The following NHSL2 variants were observed in gnomAD, a reference collection of about 807,000 sequenced individuals.
The protein encoded by NHSL2 is NHS like 2.
In NHSL2, 27 loss-of-function variants were observed where a neutral mutation model predicts 53.4. The ratio of observed to expected loss-of-function variants is 0.51; its 90% confidence interval spans 0.37 to 0.70. NHSL2 has a LOEUF of 0.70. NHSL2 is among the 30% of genes least tolerant of loss of function. NHSL2 has a pLI of 0.00. For synonymous variants in NHSL2, 408 were observed against 404.1 expected, an observed-to-expected ratio of 1.01 and a Z score of -0.12; for missense variants, 892 against 980.1, an observed-to-expected ratio of 0.91 and a Z score of 1.20.
intron 1 of NHSL2, among the ~76,000 whole-genome samples, chrX:72,057,182 C>T (rs1050699977): frequency 5.3e-5 from 6 of 112,398 alleles, no homozygotes; most frequent in South Asian, 3.7e-4. Context: ...TTCATTCTGT[C>T]CTTGTTTGCA....
At chrX:72,129,902 G>A (rs917277121) in intron 1 of NHSL2, 1 of 1,210,479 alleles carries the variant, frequency 8.3e-7, no homozygotes, top group Non-Finnish European at 1.1e-6. Flanking sequence ...AGCACAGGGG[G>A]GCGTCTTCGA....
In NHSL2 at chrX:72,139,563, G is replaced by C. The variant is rs1362861493; in HGVS notation, c.2015G>C (p.Ser672Thr). Residue 672 changes from serine (S) to threonine (T), a missense_variant, in exon 6 of 8, where the codon AGC becomes ACC. Coordinates refer to ENST00000633930, the MANE Select transcript of NHSL2 (RefSeq NM_001013627.3). ...ATTGAGTGCACCCAAGTTCAGGGCA[G>C]CTCAGAGTCTCTTGCCTCACCTTCC... ...TVIECTQVQGSSESLASPSTS... is the reference protein window; with the variant it reads ...TVIECTQVQGTSESLASPSTS... 3 of 1,209,089 alleles carry C rather than the reference G, an allele frequency of 2.5e-6. No individual in the cohort carries two copies. The African/African-American group carries it at 5.3e-5, about 21-fold the overall frequency.
chrX:72,085,677 T>A (rs1038156720), intron 1 of NHSL2, among the ~76,000 whole-genome samples: 3 of 110,413 alleles, frequency 2.7e-5, no homozygotes, highest in Non-Finnish European at 5.7e-5. Context: ...ATTTTCTGTA[T>A]GATCACTGCT....
intron 1 of NHSL2, among the ~76,000 whole-genome samples, chrX:71,994,802 G>T (rs1392826953): frequency 9.0e-6 from 1 of 111,535 alleles, no homozygotes; most frequent in Non-Finnish European, 1.9e-5. Flanking sequence ...TGGTGATGGG[G>T]GGCCAGCCAG....
chrX:72,103,572 C>T lies in NHSL2; in HGVS notation c.281-28507C>T, dbSNP rs748770608. ...AGGTCCAAGGTTCAGGAGAAGGATC[C>T]AAGCAGAGTAGTGGCCTCTTCACAG... On this transcript the variant is annotated intron_variant, in intron 1 of 7. Transcript: ENST00000633930. 1.3e-4 allele frequency among the ~76,000 whole-genome samples: 14 copies of T among 111,430 alleles called. No individual in the cohort carries two copies. In the East Asian group the frequency reaches 2.6e-3, roughly 20 times the overall value.
chrX:72,097,932 G>A (rs1457451856), intron 1 of NHSL2, among the ~76,000 whole-genome samples: 1 of 112,171 alleles, frequency 8.9e-6, no homozygotes, highest in East Asian at 2.8e-4. Context: ...CCTTGAACCA[G>A]GAAAGAAAAA....
At chrX:72,122,008 T>C (rs1358834154) in intron 1 of NHSL2, among the ~76,000 whole-genome samples, 2 of 112,394 alleles carry the variant, frequency 1.8e-5, no homozygotes, top group Non-Finnish European at 3.8e-5. Context: ...TGCCACTAAA[T>C]CTTGTGATTT....
chrX:72,019,836 A>G (rs760049357), intron 1 of NHSL2, among the ~76,000 whole-genome samples: 2 of 112,193 alleles, frequency 1.8e-5, no homozygotes, highest in African/African-American at 3.2e-5. Flanking sequence ...TAAGGTTCTC[A>G]GATTCAACAA....
chrX:71,991,049 G>A (rs774448784), intron 1 of NHSL2, among the ~76,000 whole-genome samples: 2 of 112,799 alleles, frequency 1.8e-5, no homozygotes, highest in South Asian at 7.3e-4. Context: ...TTGCCAAATA[G>A]TTGTGCAGGG....
chrX:72,083,277 A>T (rs2041808103), intron 1 of NHSL2, among the ~76,000 whole-genome samples: 1 of 113,230 alleles, frequency 8.8e-6, no homozygotes, highest in Non-Finnish European at 1.9e-5. Context: ...TTTGTAGGCT[A>T]CTTTAGTGCT....
intron 6 of NHSL2, 123 bp downstream of exon 6, chrX:72,140,894 A>G: frequency 1.7e-6 from 1 of 604,003 alleles, no homozygotes; most frequent in African/African-American, 2.3e-5. Context: ...AGTAGCGGGC[A>G]CCCTTTGAGG....
In NHSL2 at chrX:71,947,336, C is replaced by T. The variant is rs1221030949; in HGVS notation, c.280+35969C>T. 2.7e-5 allele frequency among the ~76,000 whole-genome samples: 3 copies of T among 112,085 alleles called. No individual in the cohort carries two copies. In the South Asian group the frequency reaches 1.1e-3, roughly 42 times the overall value. ...TTGGGCCATGGGCCTCCGTTCCTAA[C>T]CTCGTCCTGCAGATGTACTAACTTT... On this transcript the variant is annotated intron_variant, in intron 1 of 7. Transcript: ENST00000633930.
chrX:71,978,780 A>C (rs1322327701), intron 1 of NHSL2, among the ~76,000 whole-genome samples: 1 of 89,271 alleles, frequency 1.1e-5, no homozygotes, highest in Non-Finnish European at 2.1e-5. Flanking sequence ...TTTTAATTAT[A>C]CTGTAAGTTT....
chrX:72,028,866 G>A (rs2042199822), intron 1 of NHSL2, among the ~76,000 whole-genome samples: 1 of 112,437 alleles, frequency 8.9e-6, no homozygotes, highest in South Asian at 3.6e-4. Flanking sequence ...GCCCCTGGTT[G>A]GGTCCTCAGC....
At chrX:72,027,367 G>A (rs2042191012) in intron 1 of NHSL2, 2 of 111,243 alleles carry the variant, frequency 1.8e-5, no homozygotes, top group African/African-American at 3.3e-5. Flanking sequence ...GGCTAGGTGG[G>A]GTTTTCCTCA....
At chrX:71,935,854 C>T (rs1361096105) in intron 1 of NHSL2, among the ~76,000 whole-genome samples, 1 of 111,316 alleles carries the variant, frequency 9.0e-6, no homozygotes, top group African/African-American at 3.3e-5. Flanking sequence ...TTGTGAGAGG[C>T]CAGAGGCTTT....
In NHSL2 at chrX:72,008,297, G is replaced by A. The variant is rs1395678930; in HGVS notation, c.280+96930G>A. On this transcript the variant is annotated intron_variant, in intron 1 of 7. Coordinates refer to ENST00000633930, the MANE Select transcript of NHSL2 (RefSeq NM_001013627.3). ...TCTGTCTGCTGTCAACCTGTGAGTC[G>A]GTGAGTAGAGGACAGGAGGTATGGA... Among the ~76,000 whole-genome samples, 5 of 112,770 alleles carry A rather than the reference G, an allele frequency of 4.4e-5. No individual in the cohort carries two copies. The South Asian group carries it at 1.1e-3, about 25-fold the overall frequency.
intron 1 of NHSL2, among the ~76,000 whole-genome samples, chrX:72,029,214 A>G (rs770160204): frequency 9.0e-6 from 1 of 111,290 alleles, no homozygotes; most frequent in African/African-American, 3.3e-5. Flanking sequence ...ACAAGGACCT[A>G]ATGCATACAG....
At chrX:72,020,160 A>T (rs974481460) in intron 1 of NHSL2, among the ~76,000 whole-genome samples, 1 of 112,900 alleles carries the variant, frequency 8.9e-6, no homozygotes, top group Non-Finnish European at 1.9e-5. Flanking sequence ...ACAGGAAAGT[A>T]CAAAGAAGAA....
Sources: allele counts gnomAD v4.1 joint callset (sites outside exome capture counted in the v4.1 genomes callset), GRCh38; gene constraint gnomAD v4.1.1; transcripts MANE v1.5; gene names NCBI Gene and HGNC (gene_info 2026-07-23, HGNC 2026-07-21).